NR3C2: variants seen among roughly 807,000 people sequenced by gnomAD.
NR3C2 encodes mineralocorticoid receptor.
A neutral mutation model predicts 86.4 loss-of-function variants in NR3C2; 15 were observed. The observed-to-expected ratio is 0.17, with a 90% confidence interval of 0.12 to 0.27. The LOEUF (loss-of-function observed/expected upper bound fraction) is 0.27, where lower values mean the gene tolerates loss of function less well. NR3C2 is among the 10% of genes least tolerant of loss of function. The pLI is 1.00. For synonymous variants in NR3C2, 458 were observed against 450.5 expected, an observed-to-expected ratio of 1.02 and a Z score of -0.21; for missense variants, 960 against 1,195.6, an observed-to-expected ratio of 0.80 and a Z score of 2.91.
intron 4 of NR3C2, among the ~76,000 whole-genome samples, 181 bp from the exon 5 acceptor site, chr4:148,155,082 A>G (rs1397176631): frequency 6.6e-6 from 1 of 152,210 alleles, no homozygotes; most frequent in Non-Finnish European, 1.5e-5. Context: ...ATTGGTATTA[A>G]GAGAACAAAC....
chr4:148,410,563 A>G (rs1748644681), intron 2 of NR3C2, among the ~76,000 whole-genome samples: 1 of 152,216 alleles, frequency 6.6e-6, no homozygotes, highest in Non-Finnish European at 1.5e-5. Context: ...GCTTAAATCA[A>G]AGTTTAAAAT....
At chr4:148,315,115 T>C (rs72655292) in intron 2 of NR3C2, among the ~76,000 whole-genome samples, 9 of 152,188 alleles carry the variant, frequency 5.9e-5, no homozygotes, top group Non-Finnish European at 1.0e-4. Context: ...ACCAGAATAG[T>C]TTGGGCCAGC....
rs368731621 is a variant in NR3C2 at position 148,341,062 on chromosome 4, G to C, written c.1758-80945C>G. ...ATACAGTCACTATGGAAAACATATG[G>C]AGACTCCTCAAAAAACTAAAGATAG... is the stretch of plus-strand genomic sequence containing the variant. On this transcript the variant is annotated intron_variant, in intron 2 of 8. Transcript: ENST00000358102. Among the ~76,000 whole-genome samples the C allele has an allele frequency of 6.6e-5, 10 of 152,220 alleles. No individual in the cohort carries two copies. The East Asian group carries it at 1.5e-3, about 24-fold the overall frequency.
chr4:148,216,627 T>G (rs113220717), intron 3 of NR3C2, among the ~76,000 whole-genome samples: 246 of 152,350 alleles, frequency 1.6e-3, no homozygotes, highest in African/African-American at 5.7e-3. Context: ...TTCAATTTAT[T>G]AAATCCTTTC....
intron 8 of NR3C2, among the ~76,000 whole-genome samples, chr4:148,096,260 G>T (rs561846915): frequency 6.6e-6 from 1 of 152,298 alleles, no homozygotes; most frequent in Non-Finnish European, 1.5e-5. Context: ...AAAGGGTGGT[G>T]TTTGAAATGC....
intron 4 of NR3C2, among the ~76,000 whole-genome samples, chr4:148,188,858 T>A (rs1736061796): frequency 6.6e-6 from 1 of 152,076 alleles, no homozygotes; most frequent in Non-Finnish European, 1.5e-5. Flanking sequence ...AGTATCATGT[T>A]GGCTGTGGGT....
rs553158160 is a variant in NR3C2, at chr4:148,090,633, A to G, written c.2800-9134T>C. ...CTATCACCCACATAAACATGTCCAC[A>G]GCATTGAGCATCACCCAGGAGATGC... On this transcript the variant is annotated intron_variant, in intron 8 of 8. Transcript: ENST00000358102. Among the ~76,000 whole-genome samples, 17 of 152,278 alleles carry G rather than the reference A, an allele frequency of 1.1e-4. No individual in the cohort carries two copies. In the South Asian group the frequency reaches 2.7e-3, roughly 24 times the overall value.
chr4:148,271,343 T>C (rs1740673282), intron 2 of NR3C2, among the ~76,000 whole-genome samples: 1 of 152,116 alleles, frequency 6.6e-6, no homozygotes, highest in Non-Finnish European at 1.5e-5. Flanking sequence ...ACCAGAACAA[T>C]GAAGGAATCC....
intron 4 of NR3C2, among the ~76,000 whole-genome samples, chr4:148,161,547 G>T (rs1024393974): frequency 6.6e-6 from 1 of 151,982 alleles, no homozygotes; most frequent in Non-Finnish European, 1.5e-5. Context: ...TAGAGGCGGG[G>T]TTTTACCATG....
chr4:148,356,505 C>T (rs1246734158), intron 2 of NR3C2, among the ~76,000 whole-genome samples: 1 of 152,152 alleles, frequency 6.6e-6, no homozygotes, highest in Non-Finnish European at 1.5e-5. Flanking sequence ...CTATGCTATA[C>T]TGTATTAAGC....
upstream of NR3C2, among the ~76,000 whole-genome samples, chr4:148,445,207 C>T (rs1750520436): frequency 6.6e-6 from 1 of 152,062 alleles, no homozygotes; most frequent in African/African-American, 2.4e-5. Context: ...GACCTCGCGC[C>T]CGGCTTCAGG....
intron 3 of NR3C2, among the ~76,000 whole-genome samples, chr4:148,253,766 C>T (rs1368176040): frequency 6.6e-6 from 1 of 152,142 alleles, no homozygotes; most frequent in Non-Finnish European, 1.5e-5. Flanking sequence ...TCATATGTTA[C>T]ATAAATAACT....
chr4:148,295,200 A>G (rs1299987027), intron 2 of NR3C2, among the ~76,000 whole-genome samples: 1 of 152,182 alleles, frequency 6.6e-6, no homozygotes, highest in African/African-American at 2.4e-5. Context: ...GTTTTTCTTC[A>G]GAATAAGCTA....
At chr4:148,225,932 A>G (rs1005299865) in intron 3 of NR3C2, among the ~76,000 whole-genome samples, 13 of 152,178 alleles carry the variant, frequency 8.5e-5, no homozygotes, top group African/African-American at 3.1e-4. Flanking sequence ...TTTACACAGA[A>G]GTTTACTTAA....
intron 4 of NR3C2, among the ~76,000 whole-genome samples, chr4:148,182,428 A>G (rs753163574): frequency 2.0e-5 from 3 of 152,252 alleles, no homozygotes; most frequent in Non-Finnish European, 4.4e-5. Flanking sequence ...TGGTTAAATT[A>G]TAACTTAAAC....
chr4:148,201,320 T>C (rs78348766), intron 3 of NR3C2, among the ~76,000 whole-genome samples: 2,274 of 152,324 alleles, frequency 0.015, 64 homozygotes, highest in African/African-American at 0.053. Context: ...AAAGATGTGC[T>C]TAGCAAAACT....
chr4:148,249,813 G>A (rs1739489581), intron 3 of NR3C2, among the ~76,000 whole-genome samples: 1 of 152,164 alleles, frequency 6.6e-6, no homozygotes, highest in South Asian at 2.1e-4. Flanking sequence ...AATTCTAAGA[G>A]CTAGCATTTA....
At chr4:148,383,676 G>A (rs1747112556) in intron 2 of NR3C2, among the ~76,000 whole-genome samples, 1 of 152,072 alleles carries the variant, frequency 6.6e-6, no homozygotes, top group Non-Finnish European at 1.5e-5. Context: ...CTTTTGGACG[G>A]GCGCAGTGGC....
chr4:148,325,110 CAGAG>C (rs75152966), intron 2 of NR3C2, among the ~76,000 whole-genome samples: 21,143 of 148,696 alleles, frequency 0.14, 1,587 homozygotes, highest in South Asian at 0.27. Context: ...AGTGGAGAGA[CAGAG>C]AGAGAGAGAG....
Sources: gnomAD v4.1 joint callset for allele counts (sites outside exome capture counted in the v4.1 genomes callset) on GRCh38, gnomAD v4.1.1 for gene constraint, MANE v1.5 for transcripts, NCBI Gene and HGNC (gene_info 2026-07-23, HGNC 2026-07-21) for gene names.